Variants in PEAR1 observed in about 807,000 individuals in gnomAD.
PEAR1 encodes platelet endothelial aggregation receptor 1.
Under a neutral mutation model 131.2 loss-of-function variants are expected in PEAR1, and 113 were observed. The observed-to-expected ratio is 0.86, with a 90% confidence interval of 0.74 to 1.01. The LOEUF (loss-of-function observed/expected upper bound fraction) is 1.01. Among genes scored for constraint, PEAR1 ranks in the 50% least tolerant of loss-of-function variants. The probability of loss-of-function intolerance (pLI) is 0.00; values close to 1 mark genes in which losing one functional copy is unlikely to be tolerated. For missense variants in PEAR1, 1,408 were observed against 1,391.1 expected, an observed-to-expected ratio of 1.01 and a Z score of -0.19; for synonymous variants, 565 against 523.3, an observed-to-expected ratio of 1.08 and a Z score of -1.09.
At position 156,907,607 on chromosome 1, in the gene PEAR1, C is replaced by A; in HGVS notation, c.645-3C>A. 6.2e-7 allele frequency: 1 copy of A among 1,609,626 alleles called. No homozygotes were observed. Among genetic ancestry groups the A allele is most frequent in the Non-Finnish European group, 8.5e-7 (1 of 1,177,988 alleles). ...CATTGACTCCACCCACTCTGTCCTG[C>A]AGCTGTGACGTGTCCTGTTCCCAGG... On this transcript the variant is annotated splice_polypyrimidine_tract_variant and splice_region_variant and intron_variant, in intron 6 of 22. Coordinates refer to ENST00000292357, the MANE Select transcript of PEAR1 (RefSeq NM_001080471.3).
chr1:156,911,090 T>C (rs200882678), intron 15 of PEAR1, among the ~76,000 whole-genome samples: 87 of 116,998 alleles, frequency 7.4e-4, no homozygotes, highest in African/African-American at 3.2e-3. Context: ...TCTTTCTTTC[T>C]TTCCTTTCTT....
chr1:156,913,967 C>T lies in PEAR1; in HGVS notation c.2829C>T (p.Tyr943=). Residue 943 remains tyrosine, a synonymous_variant, in exon 22 of 23, where the codon TAC becomes TAT. Transcript: ENST00000292357. ...SLPGGPRESS[Y]MEMKGPPSGS... ...CAGGGGGCCCCCGGGAGAGCAGCTACATGGAGATGAAAGGCCCTCCCTCAG... is the reference window on the plus strand; with the variant it reads ...CAGGGGGCCCCCGGGAGAGCAGCTATATGGAGATGAAAGGCCCTCCCTCAG... The T allele has an allele frequency of 1.2e-6, 2 of 1,614,012 alleles. No individual in the cohort carries two copies. The highest frequency in any genetic ancestry group is 2.7e-5 in the African/African-American group (2 of 75,074).
chr1:156,896,821 T>C (rs1649213520), intron 1 of PEAR1, among the ~76,000 whole-genome samples: 1 of 152,180 alleles, frequency 6.6e-6, no homozygotes, highest in South Asian at 2.1e-4. Context: ...ACTCATCCCA[T>C]AGGAACTTGG....
chr1:156,906,963 G>T, intron 6 of PEAR1, 83 bp downstream of exon 6: 1 of 1,501,768 alleles, frequency 6.7e-7, no homozygotes, highest in Non-Finnish European at 8.9e-7. Context: ...AGGTGACTCA[G>T]ACAGGGCCCC....
At position 156,912,954 on chromosome 1, in the gene PEAR1, C is replaced by T. The variant is rs200864461; in HGVS notation, c.2394C>T (p.Arg798=). The T allele has an allele frequency of 4.6e-5, 75 of 1,614,186 alleles. 3 individuals are homozygous for T. The Middle Eastern group carries it at 9.9e-4, about 21-fold the overall frequency. Reference sequence around the variant, plus strand: ...TGGCTGTGGCTTACAGCAGCGGGCGCCTGGACGGCTCCGAGTATGTCATGC... The same window carrying T: ...TGGCTGTGGCTTACAGCAGCGGGCGTCTGGACGGCTCCGAGTATGTCATGC... ...HHLAVAYSSG[R]LDGSEYVMPD... The change falls in exon 18 of 23, where the codon CGC becomes CGT. Residue 798 remains arginine (R), a synonymous_variant. Transcript: ENST00000292357.
chr1:156,914,969 G>A lies in PEAR1; in HGVS notation c.*171G>A, dbSNP rs1651733719. On this transcript the variant is annotated 3_prime_UTR_variant, in exon 23 of 23. Transcript: ENST00000292357. ...AGCCTTGTTCCTGGGTTCTACCATG[G>A]GAGACGCTGATCAGCAGGATGCCTG... 4 of 716,196 alleles carry A rather than the reference G, an allele frequency of 5.6e-6. No homozygotes were observed. Among genetic ancestry groups the A allele is most frequent in the Non-Finnish European group, 8.4e-6 (4 of 473,576 alleles). The allele number at this position is 716,196 out of a possible 1,614,324, so 44.4% of individuals were successfully genotyped here.
At chr1:156,906,942 G>A (rs1164125471) in intron 6 of PEAR1, 62 bp downstream of exon 6, 2 of 1,541,548 alleles carry the variant, frequency 1.3e-6, no homozygotes, top group Non-Finnish European at 1.7e-6. Flanking sequence ...ACAGATCTAT[G>A]TGGGGAAATG....
Position 156,913,928 on chromosome 1 carries a change from C to A in PEAR1, c.2790C>A (p.Asp930Glu). Residue 930 changes from aspartate (D) to glutamate (E), a missense_variant, in exon 22 of 23, where the codon GAC becomes GAA. Transcript: ENST00000292357. ...AGAACCCATATGCCACCATCCGGGA[C>A]CTGCCCAGCTTGCCAGGGGGCCCCC... ...SSENPYATIRDLPSLPGGPRE... is the reference protein window; with the variant it reads ...SSENPYATIRELPSLPGGPRE... 6.2e-7 allele frequency: 1 copy of A among 1,614,078 alleles called. No homozygotes were observed. Among genetic ancestry groups the A allele is most frequent in the Non-Finnish European group, 8.5e-7 (1 of 1,180,012 alleles).
rs763527165 is a variant in PEAR1, at chr1:156,913,709, C to A, written c.2662C>A (p.Arg888=). 1.9e-6 allele frequency: 3 copies of A among 1,613,978 alleles called. No individual in the cohort carries two copies. In the East Asian group the frequency reaches 6.7e-5, roughly 36 times the overall value. ...PLDRGSSRLD[R]SYSYSYSNGP... ...CTCCTCAGGGAGCAGCCGCCTGGAC[C>A]GAAGCTACAGCTATAGCTACAGCAA... Residue 888 remains arginine, a synonymous_variant, in exon 21 of 23, where the codon CGA becomes AGA. Transcript: ENST00000292357.
At chr1:156,906,218 A>G in intron 4 of PEAR1, 58 bp from the exon 5 acceptor site, 3 of 1,532,624 alleles carry the variant, frequency 2.0e-6, no homozygotes, top group East Asian at 2.3e-5. Flanking sequence ...GCTTTGCAGG[A>G]TAAAAGCTGG....
chr1:156,911,609 AT>A (rs1651218378), intron 15 of PEAR1, among the ~76,000 whole-genome samples: 1 of 150,760 alleles, frequency 6.6e-6, no homozygotes, highest in African/African-American at 2.4e-5. Context: ...TTTCTTTTGC[AT>A]TTTTCAGTTT....
At position 156,913,437 on chromosome 1, in the gene PEAR1, G is replaced by A. The variant is rs1195995364; in HGVS notation, c.2558G>A (p.Gly853Asp). The A allele has an allele frequency of 7.4e-6, 12 of 1,613,786 alleles. No homozygotes were observed. The highest frequency in any genetic ancestry group is 3.3e-5 in the Admixed American group (2 of 60,008). ...AGCCTGCAGAACCCTGAGCGGCCAG[G>A]TGGGGCCCAAGGGCATGATAACCAC... ...FASLQNPERPGGAQGHDNHTT... is the reference protein window; with the variant it reads ...FASLQNPERPDGAQGHDNHTT... The change falls in exon 20 of 23, where the codon GGT becomes GAT. Residue 853 changes from glycine to aspartate, a missense_variant. Gly to Asp is a moderately conservative substitution (Grantham distance 94, BLOSUM62 -1). Transcript: ENST00000292357.
At chr1:156,914,209 G>A in intron 22 of PEAR1, 109 bp downstream of exon 22, 3 of 1,441,980 alleles carry the variant, frequency 2.1e-6, no homozygotes, top group South Asian at 1.5e-5. Context: ...CATCAAGAGT[G>A]AGGCCTTTGG....
At chr1:156,914,608 G>A in intron 22 of PEAR1, 39 bp from the exon 23 acceptor site, 1 of 1,579,232 alleles carries the variant, frequency 6.3e-7, no homozygotes, top group Non-Finnish European at 8.6e-7. Context: ...AGAGTGGTGG[G>A]AGGAGCCACT....
chr1:156,901,715 C>T (rs527448357), intron 1 of PEAR1, among the ~76,000 whole-genome samples: 4 of 152,172 alleles, frequency 2.6e-5, no homozygotes, highest in South Asian at 2.1e-4. Context: ...GTGTGGAGAC[C>T]GAGAGATGAG....
In PEAR1 at chr1:156,904,830, C is replaced by T. The variant is rs1177424871; in HGVS notation, c.184C>T (p.Pro62Ser). The change falls in exon 3 of 23, where the codon CCC (proline) becomes TCC (serine). Residue 62 changes from proline (P) to serine (S), a missense_variant. By Grantham distance (74) the Pro-to-Ser change is moderately conservative. Coordinates refer to ENST00000292357, the MANE Select transcript of PEAR1 (RefSeq NM_001080471.3). ...GCCCTGCGAGCGGCCCTGGGAGGGC[C>T]CCCATACTTGCCCCCAGCCCACGTG... ...SEPCERPWEGPHTCPQPTVVY... is the reference protein window; with the variant it reads ...SEPCERPWEGSHTCPQPTVVY... 2 of 1,613,822 alleles carry T rather than the reference C, an allele frequency of 1.2e-6. No homozygotes were observed. The highest frequency in any genetic ancestry group is 1.1e-5 in the South Asian group (1 of 91,040).
At position 156,905,431 on chromosome 1, in the gene PEAR1, C is replaced by T. The variant is rs1422702255; in HGVS notation, c.307+7C>T. The T allele has an allele frequency of 1.3e-6, 2 of 1,597,038 alleles. No individual in the cohort carries two copies. Among genetic ancestry groups the T allele is most frequent in the East Asian group, 2.2e-5 (1 of 44,772 alleles). On this transcript the variant is annotated splice_region_variant and intron_variant, in intron 4 of 22. Transcript: ENST00000292357. ...AGCAGGGGGTTCTGTGTCCGTGAGT[C>T]CAGGGTTGGGTTAGGGAGCGGGGTG...
Position 156,905,966 on chromosome 1 carries a change from C to T in PEAR1, c.308-310C>T, listed in dbSNP as rs527683247. Among the ~76,000 whole-genome samples, 15 of 152,302 alleles carry T rather than the reference C, an allele frequency of 9.8e-5. No homozygotes were observed. In the South Asian group the frequency reaches 3.1e-3, roughly 32 times the overall value. On this transcript the variant is annotated intron_variant, in intron 4 of 22. Transcript: ENST00000292357. ...TGCAAACACTGCTCTCCAGAGAACC[C>T]CGACCGCCACCTGCCCTCTCTCTGG...
rs1430003268 is a variant in PEAR1, at chr1:156,913,857, A to G, written c.2719A>G (p.Ile907Val). ...GPGPFYNKGL[I>V]SEEELGASVA... is the part of the protein sequence containing the mutation. ...CTTCTTTCCTCTATCCTTAGGGCTCATCTCTGAAGAGGAGCTCGGGGCCAG... is the reference window on the plus strand; with the variant it reads ...CTTCTTTCCTCTATCCTTAGGGCTCGTCTCTGAAGAGGAGCTCGGGGCCAG... The change falls in exon 22 of 23, where the codon ATC becomes GTC. Residue 907 changes from isoleucine to valine, a missense_variant. By Grantham distance (29) the Ile-to-Val change is conservative. Coordinates refer to ENST00000292357, the MANE Select transcript of PEAR1 (RefSeq NM_001080471.3). The G allele has an allele frequency of 6.2e-7, 1 of 1,612,892 alleles. No individual in the cohort carries two copies. Among genetic ancestry groups the G allele is most frequent in the African/African-American group, 1.3e-5 (1 of 75,016 alleles).
Sources: gnomAD v4.1 joint callset for allele counts (sites outside exome capture counted in the v4.1 genomes callset) on GRCh38, gnomAD v4.1.1 for gene constraint, MANE v1.5 for transcripts, NCBI Gene and HGNC (gene_info 2026-07-23, HGNC 2026-07-21) for gene names.